Variants in KALRN observed in about 807,000 individuals in gnomAD.
KALRN encodes the protein kalirin.
KALRN carries 70 observed loss-of-function variants against 353.7 expected under a neutral mutation model. The observed-to-expected ratio is 0.20, with a 90% CI of 0.16 to 0.24. KALRN has a LOEUF of 0.24. Among genes scored for constraint, KALRN ranks in the 10% least tolerant of loss-of-function variants. KALRN has a pLI of 1.00. For missense variants in KALRN, 2,791 were observed against 3,756.7 expected (o/e 0.74, Z 6.72); for synonymous variants, 1,391 against 1,434.8 (o/e 0.97, Z 0.69).
Position 124,584,796 on chromosome 3 carries a change from C to A in KALRN, c.5182+21707C>A, listed in dbSNP as rs375129465. Reference sequence around the variant, plus strand: ...CCCCGGGCTGGCGCCCCGTGCCATGCGGGAGCGCTGGGGCGGCGGGGCAAC... The same window carrying A: ...CCCCGGGCTGGCGCCCCGTGCCATGAGGGAGCGCTGGGGCGGCGGGGCAAC... On this transcript the variant is annotated intron_variant, in intron 34 of 59. Transcript: ENST00000682506. 6 of 1,588,764 alleles carry A rather than the reference C, an allele frequency of 3.8e-6. No homozygotes were observed. The African/African-American group carries it at 4.0e-5, about 11-fold the overall frequency.
intron 3 of KALRN, among the ~76,000 whole-genome samples, chr3:124,249,624 A>T (rs1037851664): frequency 6.6e-6 from 1 of 152,188 alleles, no homozygotes; most frequent in African/African-American, 2.4e-5. Context: ...CAGGGTGCCT[A>T]GAGCAGCATG....
intron 1 of KALRN, among the ~76,000 whole-genome samples, chr3:124,153,958 T>C (rs1218824424): frequency 6.6e-6 from 1 of 152,204 alleles, no homozygotes; most frequent in Non-Finnish European, 1.5e-5. Flanking sequence ...CACTTTTTGA[T>C]GGGGTTGTTT....
chr3:124,474,452 ATTATT>A lies in KALRN; in HGVS notation c.4032-207_4032-203del, dbSNP rs376610602. 5.6e-3 allele frequency among the ~76,000 whole-genome samples: 857 copies of A among 152,278 alleles called. 9 individuals carry two copies. The highest frequency in any genetic ancestry group is 0.02 in the African/African-American group (820 of 41,552). ...AAGTGTTCACTCCGAGAGAAAGAATATTATTTTAAGTAGCACTAATTAATCAATTA... is the reference window on the plus strand; with the variant it reads ...AAGTGTTCACTCCGAGAGAAAGAATATTAAGTAGCACTAATTAATCAATTA... On this transcript the variant is annotated intron_variant, in intron 25 of 59. Coordinates refer to ENST00000682506, the MANE Select transcript of KALRN (RefSeq NM_001388419.1).
chr3:124,169,896 A>C (rs551099621), intron 1 of KALRN, among the ~76,000 whole-genome samples: 12 of 152,262 alleles, frequency 7.9e-5, no homozygotes, highest in African/African-American at 2.9e-4. Context: ...TCCACGAAGG[A>C]AACTAGAGAA....
At chr3:124,179,187 T>C (rs966877884) in intron 1 of KALRN, among the ~76,000 whole-genome samples, 12 of 152,258 alleles carry the variant, frequency 7.9e-5, no homozygotes. Flanking sequence ...ACTTTTGTAA[T>C]AACACAACTT....
intron 1 of KALRN, among the ~76,000 whole-genome samples, chr3:124,150,720 G>GTA (rs2067982210): frequency 2.6e-5 from 4 of 152,202 alleles, no homozygotes; most frequent in Admixed American, 6.5e-5. Flanking sequence ...TTTCACTGAA[G>GTA]TATAGCAAGT....
chr3:124,077,097 A>C lies in KALRN; in HGVS notation c.73+43284A>C, dbSNP rs533529488. Among the ~76,000 whole-genome samples the C allele has an allele frequency of 4.6e-5, 7 of 152,360 alleles. No individual in the cohort carries two copies. In the South Asian group the frequency reaches 1.4e-3, roughly 32 times the overall value. ...GGGAGTCAGTGAAGGAGTCAGAATCACTACCTGTGGCCTCTAACTCCTGTC... is the reference window on the plus strand; with the variant it reads ...GGGAGTCAGTGAAGGAGTCAGAATCCCTACCTGTGGCCTCTAACTCCTGTC... On this transcript the variant is annotated intron_variant, in intron 1 of 59. Coordinates refer to ENST00000682506, the MANE Select transcript of KALRN (RefSeq NM_001388419.1).
chr3:124,598,632 GTT>G (rs1279937885), intron 34 of KALRN, among the ~76,000 whole-genome samples: 3 of 151,884 alleles, frequency 2.0e-5, no homozygotes, highest in Admixed American at 6.6e-5. Flanking sequence ...ATTCACACAC[GTT>G]TTGTTTGTTT....
chr3:124,358,277 C>T (rs975270369), intron 10 of KALRN, among the ~76,000 whole-genome samples: 6 of 152,232 alleles, frequency 3.9e-5, no homozygotes, highest in Admixed American at 3.9e-4. Flanking sequence ...TTCCCAGCCC[C>T]ACTAATTTTC....
chr3:124,602,170 G>A (rs1399091476), intron 34 of KALRN, among the ~76,000 whole-genome samples: 1 of 152,148 alleles, frequency 6.6e-6, no homozygotes, highest in Non-Finnish European at 1.5e-5. Context: ...TAGATTTATA[G>A]TTTGCAGTAG....
intron 34 of KALRN, among the ~76,000 whole-genome samples, chr3:124,624,725 A>G (rs1003256926): frequency 5.3e-5 from 8 of 152,200 alleles, no homozygotes; most frequent in African/African-American, 1.7e-4. Context: ...ATCTTCAGGG[A>G]ATAACCTGTG....
At chr3:124,149,501 A>C (rs541964404) in intron 1 of KALRN, among the ~76,000 whole-genome samples, 1 of 152,210 alleles carries the variant, frequency 6.6e-6, no homozygotes, top group East Asian at 1.9e-4. Flanking sequence ...TTTTTTTCCA[A>C]GTTTTGGAAG....
intron 1 of KALRN, among the ~76,000 whole-genome samples, chr3:124,170,352 A>C (rs922388813): frequency 6.6e-6 from 1 of 152,216 alleles, no homozygotes; most frequent in Admixed American, 6.5e-5. Flanking sequence ...CTTAGTTTTC[A>C]TAACAACTGC....
At chr3:124,059,691 G>C (rs2041845498) in intron 1 of KALRN, among the ~76,000 whole-genome samples, 2 of 152,136 alleles carry the variant, frequency 1.3e-5, no homozygotes, top group Non-Finnish European at 2.9e-5. Context: ...CTTATTTCCT[G>C]TTCTCCATTG....
chr3:124,187,362 G>A (rs2074360994), intron 1 of KALRN, among the ~76,000 whole-genome samples: 1 of 152,182 alleles, frequency 6.6e-6, no homozygotes, highest in Admixed American at 6.5e-5. Flanking sequence ...GATTACAGGT[G>A]TGAGCCACCA....
intron 1 of KALRN, among the ~76,000 whole-genome samples, chr3:124,104,312 C>G (rs1559959690): frequency 6.6e-6 from 1 of 152,208 alleles, no homozygotes; most frequent in Non-Finnish European, 1.5e-5. Context: ...AGACAGTCTT[C>G]TTGTCTTCGT....
At chr3:124,063,694 T>A (rs1039498658) in intron 1 of KALRN, among the ~76,000 whole-genome samples, 1 of 152,212 alleles carries the variant, frequency 6.6e-6, no homozygotes, top group Non-Finnish European at 1.5e-5. Flanking sequence ...ACTTGAACTT[T>A]GTCAGCTACT....
chr3:124,634,709 T>G (rs1195045793), intron 36 of KALRN, among the ~76,000 whole-genome samples: 1 of 152,204 alleles, frequency 6.6e-6, no homozygotes, highest in Non-Finnish European at 1.5e-5. Context: ...ACCTTTTTTT[T>G]TCTGCCTTAA....
intron 34 of KALRN, among the ~76,000 whole-genome samples, chr3:124,565,085 C>T (rs2072639163): frequency 6.6e-6 from 1 of 152,164 alleles, no homozygotes; most frequent in Non-Finnish European, 1.5e-5. Context: ...GTCTGGAGTG[C>T]CATCTGGTCT....
Sources: allele counts gnomAD v4.1 joint callset (sites outside exome capture counted in the v4.1 genomes callset), GRCh38; gene constraint gnomAD v4.1.1; transcripts MANE v1.5; gene names NCBI Gene and HGNC (gene_info 2026-07-23, HGNC 2026-07-21).